The following GOT2 variants were observed in gnomAD, a reference collection of about 807,000 sequenced individuals.
The protein encoded by GOT2 is glutamic-oxaloacetic transaminase 2.
In GOT2, 17 loss-of-function variants were observed where a neutral mutation model predicts 50.0. That is an observed-to-expected ratio of 0.34 (90% CI 0.23 to 0.51). The LOEUF is 0.51. Among genes scored for constraint, GOT2 ranks in the 20% least tolerant of loss-of-function variants. The probability of loss-of-function intolerance (pLI) is 0.97; values close to 1 mark genes in which losing one functional copy is unlikely to be tolerated. For missense variants in GOT2, 430 were observed against 559.6 expected, an observed-to-expected ratio of 0.77 and a Z score of 2.34; for synonymous variants, 172 against 204.9, an observed-to-expected ratio of 0.84 and a Z score of 1.37.
At chr16:58,716,632 A>G (rs1277245678) in intron 7 of GOT2, 31 bp downstream of exon 7, 1 of 1,605,182 alleles carries the variant, frequency 6.2e-7, no homozygotes. Flanking sequence ...CCAGCATGAG[A>G]GCATGTGTCA....
chr16:58,728,934 G>A (rs1416423686), intron 1 of GOT2, among the ~76,000 whole-genome samples: 1 of 152,106 alleles, frequency 6.6e-6, no homozygotes, highest in East Asian at 1.9e-4. Flanking sequence ...TGATCTGCCC[G>A]CCTCAGCCTC....
intron 8 of GOT2, among the ~76,000 whole-genome samples, chr16:58,712,233 C>T (rs1421945744): frequency 6.6e-6 from 1 of 152,138 alleles, no homozygotes; most frequent in Non-Finnish European, 1.5e-5. Context: ...CATGTGTGGC[C>T]AGGCGCGGTG....
intron 1 of GOT2, among the ~76,000 whole-genome samples, chr16:58,727,650 ACT>A (rs1293237472): frequency 6.6e-6 from 1 of 152,114 alleles, no homozygotes; most frequent in Non-Finnish European, 1.5e-5. Context: ...ATGGGATATT[ACT>A]TATGGGAGCC....
chr16:58,710,741 GCGGA>G (rs2152093442), intron 8 of GOT2, among the ~76,000 whole-genome samples: 1 of 59,500 alleles, frequency 1.7e-5, no homozygotes, highest in African/African-American at 5.2e-5. Context: ...AATTAGCCGG[GCGGA>G]TCACGAGGTC....
Position 58,716,125 on chromosome 16 carries a change from C to T in GOT2, c.908G>A (p.Arg303Lys), listed in dbSNP as rs371259097. ...CAAGATCTTCAACTGTGACTCTACC[C>T]TTTTGGCTTCATCCGCATCTTTGCA... The part of the protein sequence containing the change: ...MVCKDADEAK[R>K]VESQLKILIR... The change falls in exon 8 of 10, where the codon AGG (arginine) becomes AAG (lysine). Residue 303 changes from arginine to lysine, a missense_variant. Coordinates refer to ENST00000245206, the MANE Select transcript of GOT2 (RefSeq NM_002080.4). 1.9e-5 allele frequency: 31 copies of T among 1,613,930 alleles called. No homozygotes were observed. The highest frequency in any genetic ancestry group is 5.3e-5 in the African/African-American group (4 of 74,908).
Position 58,718,653 on chromosome 16 carries a change from C to A in GOT2, c.471G>T (p.Leu157=). 6.3e-7 allele frequency: 1 copy of A among 1,592,314 alleles called. No individual in the cohort carries two copies. The highest frequency in any genetic ancestry group is 1.1e-5 in the South Asian group (1 of 87,892). Residue 157 remains leucine, a synonymous_variant, in exon 5 of 10, where the codon CTG becomes CTT. Coordinates refer to ENST00000245206, the MANE Select transcript of GOT2 (RefSeq NM_002080.4). ...RFFKFSRDVF[L]PKPTWGNHTP... ...TGTGGTTTCCCCAGGTTGGTTTGGG[C>A]AGAAAGACATCTCGGCTGAACTTAA...
chr16:58,729,621 T>C (rs560819161), intron 1 of GOT2, among the ~76,000 whole-genome samples: 48 of 152,244 alleles, frequency 3.2e-4, no homozygotes, highest in Middle Eastern at 6.8e-3. Flanking sequence ...TCATTCTTGT[T>C]AAATGGTGTG....
At chr16:58,722,674 C>CT (rs146047142) in intron 2 of GOT2, among the ~76,000 whole-genome samples, 2,951 of 152,136 alleles carry the variant, frequency 0.019, 96 homozygotes, top group African/African-American at 0.067. Context: ...CCGGCCAAAC[C>CT]TTTTTTTAAA....
intron 1 of GOT2, among the ~76,000 whole-genome samples, chr16:58,727,248 C>G (rs1418030467): frequency 2.6e-5 from 4 of 152,146 alleles, no homozygotes; most frequent in South Asian, 2.1e-4. Flanking sequence ...CCCACCTCAG[C>G]CTTTCAAGTA....
chr16:58,709,307 AC>A, intron 9 of GOT2, 109 bp downstream of exon 9: 4 of 986,936 alleles, frequency 4.1e-6, no homozygotes, highest in East Asian at 2.6e-5. Flanking sequence ...ACAAAACAAA[AC>A]AAAAAACCCG....
At chr16:58,726,477 G>T (rs189846992) in intron 1 of GOT2, among the ~76,000 whole-genome samples, 1 of 71,446 alleles carries the variant, frequency 1.4e-5, no homozygotes, top group African/African-American at 7.3e-5. Context: ...AGCCGCCCCC[G>T]GCCTGCTTTA....
At chr16:58,733,162 C>T (rs2152099977) in intron 1 of GOT2, among the ~76,000 whole-genome samples, 1 of 152,290 alleles carries the variant, frequency 6.6e-6, no homozygotes, top group Admixed American at 6.5e-5. Context: ...TCCAAATCGG[C>T]TTCTTGAGTT....
At position 58,719,215 on chromosome 16, in the gene GOT2, C is replaced by T; in HGVS notation, c.416G>A (p.Arg139Lys). Residue 139 changes from arginine (R) to lysine (K), a missense_variant, in exon 4 of 10, where the codon AGG becomes AAG. Physicochemically the swap from Arg to Lys is conservative, Grantham distance 26. Coordinates refer to ENST00000245206, the MANE Select transcript of GOT2 (RefSeq NM_002080.4). ...ACTCACCAGAAAACTGGCTCCGATC[C>T]TTAAGGCTCCAGTTCCAGAAATGGT... ...VQTISGTGAL[R>K]IGASFLQRFF... 6.2e-7 allele frequency: 1 copy of T among 1,613,316 alleles called. No individual in the cohort carries two copies. The highest frequency in any genetic ancestry group is 8.5e-7 in the Non-Finnish European group (1 of 1,179,358).
intron 8 of GOT2, among the ~76,000 whole-genome samples, chr16:58,711,705 G>A (rs1007913407): frequency 6.6e-6 from 1 of 152,156 alleles, no homozygotes; most frequent in African/African-American, 2.4e-5. Flanking sequence ...GAGCTGAGGA[G>A]CCCCTGGCCC....
At chr16:58,717,390 A>AAG (rs999611646) in intron 6 of GOT2, among the ~76,000 whole-genome samples, 18 of 151,958 alleles carry the variant, frequency 1.2e-4, no homozygotes, top group African/African-American at 4.3e-4. Flanking sequence ...AAGAAAAAAA[A>AAG]AGAGAGAGAG....
At chr16:58,709,315 C>T (rs1199677443) in intron 9 of GOT2, 102 bp downstream of exon 9, 6 of 1,000,786 alleles carry the variant, frequency 6.0e-6, no homozygotes, top group South Asian at 3.8e-5. Flanking sequence ...AAACAAAAAA[C>T]CCGAAAACAT....
In GOT2 at chr16:58,708,202, A is replaced by C; in HGVS notation, c.1262T>G (p.Leu421Arg). ...GGTGACCTGGTGAATGGCATGGGCA[A>C]GGTAGCCCACGTTGCTGGAGGTGAC... ...AGVTSSNVGY[L>R]AHAIHQVTK The change falls in exon 10 of 10, where the codon CTT becomes CGT. Residue 421 changes from leucine to arginine, a missense_variant. Physicochemically the swap from Leu to Arg is moderately radical, Grantham distance 102. Coordinates refer to ENST00000245206, the MANE Select transcript of GOT2 (RefSeq NM_002080.4). 1 of 1,614,152 alleles carries C rather than the reference A, an allele frequency of 6.2e-7. No homozygotes were observed. The highest frequency in any genetic ancestry group is 8.5e-7 in the Non-Finnish European group (1 of 1,180,000).
chr16:58,709,692 G>A, intron 8 of GOT2, 125 bp from the exon 9 acceptor site: 1 of 645,288 alleles, frequency 1.5e-6, no homozygotes, highest in Non-Finnish European at 2.6e-6. Context: ...TCACGAATGA[G>A]TGACACGCTG....
At chr16:58,718,742 ATGT>A in intron 4 of GOT2, 54 bp from the exon 5 acceptor site, 1 of 1,408,472 alleles carries the variant, frequency 7.1e-7, no homozygotes, top group Middle Eastern at 1.8e-4. Context: ...AGGCAAAAAA[ATGT>A]TGATGTGTTT....
Sources: allele counts gnomAD v4.1 joint callset (sites outside exome capture counted in the v4.1 genomes callset), GRCh38; gene constraint gnomAD v4.1.1; transcripts MANE v1.5; gene names NCBI Gene and HGNC (gene_info 2026-07-23, HGNC 2026-07-21).